The following COL5A3 variants were observed in gnomAD, a reference collection of about 807,000 sequenced individuals.
COL5A3 encodes collagen type V alpha 3 chain.
In COL5A3, 172 loss-of-function variants were observed where a neutral mutation model predicts 250.0. The ratio of observed to expected loss-of-function variants is 0.69; its 90% confidence interval spans 0.61 to 0.78. COL5A3 has a LOEUF of 0.78. COL5A3 is among the 30% of genes least tolerant of loss of function. The pLI is 0.00. For missense variants in COL5A3, 2,340 were observed against 2,334.4 expected (o/e 1.00, Z -0.05); for synonymous variants, 937 against 900.4 (o/e 1.04, Z -0.73).
chr19:9,983,179 C>T (rs537308672), intron 31 of COL5A3, among the ~76,000 whole-genome samples: 7 of 152,060 alleles, frequency 4.6e-5, no homozygotes, highest in African/African-American at 1.7e-4. Flanking sequence ...TTCAAGGATC[C>T]TGAACACATG....
At chr19:9,980,534 G>C (rs2086993139) in intron 35 of COL5A3, 114 bp downstream of exon 35, 2 of 1,441,270 alleles carry the variant, frequency 1.4e-6, no homozygotes, top group East Asian at 4.9e-5. Context: ...ATTAAGCTGT[G>C]CTCTTACCAC....
Position 9,980,605 on chromosome 19 carries a change from CACACACACACAT to C in COL5A3, c.2604+31_2604+42del, listed in dbSNP as rs1416553752. ...CTCCACTCAGAATCTCTCTCTCTCA[CACACACACACAT>C]TCACACACACACACACACACACACA... On this transcript the variant is annotated intron_variant, in intron 35 of 66. Coordinates refer to ENST00000264828, the MANE Select transcript of COL5A3 (RefSeq NM_015719.4). The C allele has an allele frequency of 5.1e-6, 8 of 1,567,612 alleles. No homozygotes were observed. The East Asian group carries it at 1.6e-4, about 32-fold the overall frequency.
At position 9,989,450 on chromosome 19, in the gene COL5A3, C is replaced by G. The variant is rs375318259; in HGVS notation, c.2046+19G>C. 6.2e-7 allele frequency: 1 copy of G among 1,613,664 alleles called. No homozygotes were observed. The highest frequency in any genetic ancestry group is 8.5e-7 in the Non-Finnish European group (1 of 1,179,618). On this transcript the variant is annotated intron_variant, in intron 25 of 66. Coordinates refer to ENST00000264828, the MANE Select transcript of COL5A3 (RefSeq NM_015719.4). ...GCTCCCCTTTCTCCTTCCTCCTTTT[C>G]CCAGCTCATGGTTCTCACCAGAGGG...
intron 37 of COL5A3, 43 bp from the exon 38 acceptor site, chr19:9,979,460 A>G (rs2086972920): frequency 6.2e-7 from 1 of 1,601,706 alleles, no homozygotes; most frequent in Non-Finnish European, 8.6e-7. Flanking sequence ...TACATGGGGA[A>G]GGGATGGAGG....
At chr19:9,980,742 A>G (rs369239528) in intron 34 of COL5A3, 50 bp from the exon 35 acceptor site, 1 of 1,613,980 alleles carries the variant, frequency 6.2e-7, no homozygotes, top group African/African-American at 1.3e-5. Context: ...TCAACTGGGA[A>G]GAATTTGGAG....
intron 65 of COL5A3, 125 bp from the exon 66 acceptor site, chr19:9,961,015 G>A: frequency 2.6e-6 from 3 of 1,170,082 alleles, no homozygotes; most frequent in South Asian, 1.4e-5. Flanking sequence ...TCTCTGAGGA[G>A]GTCCCACCAG....
At chr19:9,971,462 C>T (rs1019937103) in intron 51 of COL5A3, among the ~76,000 whole-genome samples, 1 of 152,214 alleles carries the variant, frequency 6.6e-6, no homozygotes, top group Non-Finnish European at 1.5e-5. Context: ...CGCATGGTCT[C>T]ACTGCAGCGT....
Position 9,993,012 on chromosome 19 carries a change from C to G in COL5A3, c.1794+11G>C. 1 of 1,613,446 alleles carries G rather than the reference C, an allele frequency of 6.2e-7. No individual in the cohort carries two copies. Among genetic ancestry groups the G allele is most frequent in the Non-Finnish European group, 8.5e-7 (1 of 1,179,684 alleles). ...CACCAAGCAAGGGGCCCAGGGATCC[C>G]TGATACTCACCGGCTCCCCAGCCTG... On this transcript the variant is annotated intron_variant, in intron 20 of 66. Transcript: ENST00000264828.
chr19:9,970,460 G>GA (rs146511175), intron 54 of COL5A3, among the ~76,000 whole-genome samples, 162 bp downstream of exon 54: 2,377 of 81,916 alleles, frequency 0.029, 223 homozygotes, highest in South Asian at 0.1. Context: ...GGGGTCTGTG[G>GA]GTGTGTGGGG....
intron 4 of COL5A3, among the ~76,000 whole-genome samples, chr19:10,004,863 C>G (rs1445195319): frequency 6.6e-6 from 1 of 152,190 alleles, no homozygotes; most frequent in East Asian, 1.9e-4. Flanking sequence ...CACACACTAT[C>G]ACAGCAACCA....
intron 65 of COL5A3, among the ~76,000 whole-genome samples, chr19:9,961,798 T>C (rs1177536770): frequency 6.6e-6 from 1 of 152,114 alleles, no homozygotes; most frequent in Non-Finnish European, 1.5e-5. Flanking sequence ...GACCTCGTGA[T>C]CCGCCCACCT....
intron 4 of COL5A3, 122 bp downstream of exon 4, chr19:10,005,436 C>G (rs1307949195): frequency 3.9e-6 from 4 of 1,023,012 alleles, no homozygotes; most frequent in Non-Finnish European, 5.9e-6. Context: ...ACTCGCTTCC[C>G]TTAGCTTCCT....
At chr19:9,996,779 AAGAG>A in intron 11 of COL5A3, 90 bp from the exon 12 acceptor site, 1 of 847,804 alleles carries the variant, frequency 1.2e-6, no homozygotes, top group East Asian at 2.8e-5. Flanking sequence ...ATGAGTCAGA[AAGAG>A]AGAGAGAGGG....
intron 51 of COL5A3, 62 bp from the exon 52 acceptor site, chr19:9,971,320 A>C: frequency 8.0e-7 from 1 of 1,257,152 alleles, no homozygotes; most frequent in Non-Finnish European, 1.1e-6. Context: ...GCATTTATGG[A>C]ACAGATCAAC....
At chr19:9,997,523 GACCTCCCTAC>G in intron 10 of COL5A3, 90 bp from the exon 11 acceptor site, 2 of 800,566 alleles carry the variant, frequency 2.5e-6, no homozygotes, top group South Asian at 3.4e-5. Context: ...ACCTCAGGCT[GACCTCCCTAC>G]CCCACTACAG....
chr19:9,988,988 C>T, intron 27 of COL5A3, 136 bp downstream of exon 27: 1 of 876,592 alleles, frequency 1.1e-6, no homozygotes, highest in Non-Finnish European at 1.9e-6. Flanking sequence ...TGTGCAGCTC[C>T]AAACCCCAGT....
In COL5A3 at chr19:10,010,298, C is replaced by G; in HGVS notation, c.88G>C (p.Asp30His). 1.4e-6 allele frequency: 2 copies of G among 1,441,090 alleles called. No homozygotes were observed. Among genetic ancestry groups the G allele is most frequent in the Non-Finnish European group, 1.8e-6 (2 of 1,091,798 alleles). 89.3% of individuals were successfully genotyped at this position (1,441,090 alleles called of 1,614,324 possible). A position where few individuals can be genotyped will look rare whatever the true frequency, so the allele number is the denominator to read the frequency against. The change falls in exon 1 of 67, where the codon GAT becomes CAT. Residue 30 changes from aspartate to histidine, a missense_variant and splice_region_variant. Around this residue, in one of 3 missense-constraint regions of COL5A3, gnomAD observed 1,152 missense variants for 1,146.3 expected, o/e 1.00. Transcript: ENST00000264828. ...ALQLLPGTQA[D>H]PVDVLKALGV... ...TCCCATCTCTTCCCTCCCGGCTCAC[C>G]GGCCTGCGTCCCCGGCAGAAGCTGC...
chr19:9,967,259 C>G (rs981329527), intron 62 of COL5A3, 88 bp downstream of exon 62: 17 of 1,001,362 alleles, frequency 1.7e-5, no homozygotes, highest in Non-Finnish European at 2.1e-5. Flanking sequence ...GTGCTGCGCA[C>G]GGAAGGACCC....
At position 9,986,409 on chromosome 19, in the gene COL5A3, G is replaced by T. The variant is rs200244215; in HGVS notation, c.2258C>A (p.Ala753Asp). ...GLKGDQGKPG[A>D]PGPRGEDGPE... is the part of the protein sequence containing the mutation. Reference sequence around the variant, plus strand: ...ACCATCCTCTCCCCGGGGACCTGGAGCTCCGGGTTTCCCCTGGAAGAAAAA... The same window carrying T: ...ACCATCCTCTCCCCGGGGACCTGGATCTCCGGGTTTCCCCTGGAAGAAAAA... The change falls in exon 30 of 67, where the codon GCT becomes GAT. Residue 753 changes from alanine (A) to aspartate (D), a missense_variant. Physicochemically the swap from Ala to Asp is moderately radical, Grantham distance 126. This residue lies in a region of COL5A3 where 1,152 missense variants were observed against 1,146.3 expected (regional missense o/e 1.00). Transcript: ENST00000264828. 3.0e-4 allele frequency: 477 copies of T among 1,612,564 alleles called. No homozygotes were observed. Among genetic ancestry groups the T allele is most frequent in the Non-Finnish European group, 3.9e-4 (463 of 1,179,816 alleles).
Sources: allele counts gnomAD v4.1 joint callset (sites outside exome capture counted in the v4.1 genomes callset), GRCh38; gene constraint gnomAD v4.1.1; regional missense constraint gnomAD v4.1.1; transcripts MANE v1.5; gene names NCBI Gene and HGNC (gene_info 2026-07-23, HGNC 2026-07-21).